Variants in CFAP54 observed in about 807,000 individuals in gnomAD.
CFAP54 encodes the protein cilia- and flagella-associated protein 54.
A neutral mutation model predicts 370.4 loss-of-function variants in CFAP54; 290 were observed. The ratio of observed to expected loss-of-function variants is 0.78; its 90% CI spans 0.71 to 0.86. The LOEUF (loss-of-function observed/expected upper bound fraction) is 0.86, where lower values mean the gene tolerates loss of function less well. Among genes scored for constraint, CFAP54 ranks in the 40% least tolerant of loss-of-function variants. CFAP54 has a pLI of 0.00. For synonymous variants in CFAP54, 1,206 were observed against 1,236.5 expected (o/e 0.98, Z 0.52); for missense variants, 3,399 against 3,528.7 (o/e 0.96, Z 0.93).
At chr12:96,857,811 G>A (rs1469705584) in intron 66 of CFAP54, among the ~76,000 whole-genome samples, 1 of 152,118 alleles carries the variant, frequency 6.6e-6, no homozygotes, top group African/African-American at 2.4e-5. Flanking sequence ...ATAATTACAA[G>A]TTTCCTGAGT....
chr12:96,549,809 G>A (rs987657319), intron 15 of CFAP54, among the ~76,000 whole-genome samples: 1 of 152,172 alleles, frequency 6.6e-6, no homozygotes, highest in Non-Finnish European at 1.5e-5. Context: ...CTTACGTAAA[G>A]CACTGAATCT....
Position 96,522,203 on chromosome 12 carries a change from T to A in CFAP54, c.1158+14T>A, listed in dbSNP as rs1171229558. On this transcript the variant is annotated intron_variant, in intron 8 of 67. Coordinates refer to ENST00000524981, the MANE Select transcript of CFAP54 (RefSeq NM_001306084.2). ...GAAGTACAAACTGTAAGTCTAAACA[T>A]GTCTTCTCTCTTTAAGACTCTTTTT... 5 of 1,471,506 alleles carry A rather than the reference T, an allele frequency of 3.4e-6. No individual in the cohort carries two copies. In the East Asian group the frequency reaches 1.2e-4, roughly 36 times the overall value. The allele number at this position is 1,471,506 out of a possible 1,614,324, so 91.2% of individuals were successfully genotyped here.
chr12:96,727,852 G>A (rs1223685342), intron 50 of CFAP54, among the ~76,000 whole-genome samples: 2 of 151,534 alleles, frequency 1.3e-5, no homozygotes, highest in African/African-American at 2.4e-5. Flanking sequence ...TCCTTCAGGA[G>A]CTCTTTTAGG....
At chr12:96,573,852 C>G (rs904396065) in intron 19 of CFAP54, among the ~76,000 whole-genome samples, 6 of 152,176 alleles carry the variant, frequency 3.9e-5, no homozygotes, top group Non-Finnish European at 8.8e-5. Flanking sequence ...TAACACTTCC[C>G]TTCCCATACG....
At chr12:96,771,651 C>CA (rs1238896034) in intron 60 of CFAP54, among the ~76,000 whole-genome samples, 1 of 151,496 alleles carries the variant, frequency 6.6e-6, no homozygotes, top group Non-Finnish European at 1.5e-5. Flanking sequence ...GACTCCGCCT[C>CA]AAAAACAAAA....
intron 65 of CFAP54, among the ~76,000 whole-genome samples, chr12:96,826,713 A>G (rs1957147982): frequency 3.6e-5 from 4 of 111,914 alleles, no homozygotes; most frequent in Admixed American, 3.5e-4. Context: ...ATAAATTAAT[A>G]TACAACAGAA....
intron 51 of CFAP54, among the ~76,000 whole-genome samples, chr12:96,740,756 T>A (rs1385702804): frequency 6.6e-6 from 1 of 152,196 alleles, no homozygotes; most frequent in Non-Finnish European, 1.5e-5. Context: ...ACTCTAAAAA[T>A]TGACTTAGAA....
At position 96,845,564 on chromosome 12, in the gene CFAP54, G is replaced by A. The variant is rs529150473; in HGVS notation, c.9172-15255G>A. 3.2e-4 allele frequency among the ~76,000 whole-genome samples: 48 copies of A among 152,282 alleles called. 2 individuals carry two copies. In the South Asian group the frequency reaches 9.3e-3, roughly 30 times the overall value. On this transcript the variant is annotated intron_variant, in intron 66 of 67. Coordinates refer to ENST00000524981, the MANE Select transcript of CFAP54 (RefSeq NM_001306084.2). ...CAACCCCACCACCACCACAATTCAGGACCACTCTGAAGGGCCACCCCAGCC... is the reference window on the plus strand; with the variant it reads ...CAACCCCACCACCACCACAATTCAGAACCACTCTGAAGGGCCACCCCAGCC...
At chr12:96,490,102 C>G (rs1371065658) in intron 1 of CFAP54, among the ~76,000 whole-genome samples, 176 bp downstream of exon 1, 1 of 152,140 alleles carries the variant, frequency 6.6e-6, no homozygotes, top group Non-Finnish European at 1.5e-5. Flanking sequence ...CTTAACAATC[C>G]TTAATTCCTG....
intron 50 of CFAP54, among the ~76,000 whole-genome samples, chr12:96,738,962 A>C (rs904565615): frequency 2.6e-5 from 4 of 152,180 alleles, no homozygotes; most frequent in Non-Finnish European, 5.9e-5. Flanking sequence ...GACCCAGCCT[A>C]ATGTCCTCAT....
intron 60 of CFAP54, among the ~76,000 whole-genome samples, chr12:96,778,223 A>G (rs1958541792): frequency 6.6e-6 from 1 of 152,202 alleles, no homozygotes; most frequent in African/African-American, 2.4e-5. Flanking sequence ...CAAATGGAAT[A>G]TTTAGGTCTT....
intron 15 of CFAP54, among the ~76,000 whole-genome samples, chr12:96,553,761 G>C (rs1329116601): frequency 6.6e-6 from 1 of 151,750 alleles, no homozygotes; most frequent in Non-Finnish European, 1.5e-5. Context: ...AATATAGACT[G>C]TTGGGTTGAT....
intron 25 of CFAP54, among the ~76,000 whole-genome samples, chr12:96,597,088 TTTAAA>T (rs1362146677): frequency 4.6e-5 from 7 of 152,108 alleles, no homozygotes; most frequent in African/African-American, 1.7e-4. Flanking sequence ...GTAATTTTAA[TTTAAA>T]TTAAATTAAA....
chr12:96,602,443 G>A (rs772535473), intron 26 of CFAP54, among the ~76,000 whole-genome samples: 1 of 152,204 alleles, frequency 6.6e-6, no homozygotes, highest in African/African-American at 2.4e-5. Flanking sequence ...TTGATTTGGG[G>A]TGGAGAGTTC....
intron 42 of CFAP54, among the ~76,000 whole-genome samples, chr12:96,687,742 A>G (rs2136559904): frequency 6.6e-6 from 1 of 152,294 alleles, no homozygotes; most frequent in South Asian, 2.1e-4. Context: ...ACACACACAC[A>G]TACAATTTTC....
chr12:96,520,541 A>G (rs1430465897), intron 6 of CFAP54, among the ~76,000 whole-genome samples: 2 of 151,980 alleles, frequency 1.3e-5, no homozygotes, highest in South Asian at 2.1e-4. Flanking sequence ...ATAAATTTAT[A>G]TATGTGTCAC....
At position 96,661,533 on chromosome 12, in the gene CFAP54, A is replaced by G. The variant is rs76723340; in HGVS notation, c.5461-2297A>G. Among the ~76,000 whole-genome samples, 1,473 of 152,292 alleles carry G rather than the reference A, an allele frequency of 9.7e-3. 60 individuals carry two copies. In the East Asian group the frequency reaches 0.1, roughly 10 times the overall value. On this transcript the variant is annotated intron_variant, in intron 38 of 67. Transcript: ENST00000524981. ...CCCAGATGGACAGAGGTTGTTACTC[A>G]TAGGCAGTCAGTGAGGGAAGATCCA...
intron 52 of CFAP54, 132 bp from the exon 53 acceptor site, chr12:96,743,270 T>C: frequency 1.1e-6 from 1 of 883,526 alleles, no homozygotes; most frequent in Admixed American, 3.0e-5. Flanking sequence ...GTAGAGTCTG[T>C]TTTCCATCTT....
At chr12:96,733,664 G>A (rs1056511884) in intron 50 of CFAP54, among the ~76,000 whole-genome samples, 2 of 151,406 alleles carry the variant, frequency 1.3e-5, no homozygotes, top group African/African-American at 4.9e-5. Context: ...CTTCTTTTGA[G>A]ATTTTAGACT....
Sources: allele counts gnomAD v4.1 joint callset (sites outside exome capture counted in the v4.1 genomes callset), GRCh38; gene constraint gnomAD v4.1.1; transcripts MANE v1.5; gene names NCBI Gene and HGNC (gene_info 2026-07-23, HGNC 2026-07-21).